FSTL4: variants seen among roughly 807,000 people sequenced by gnomAD.
FSTL4 encodes the protein follistatin like 4.
A neutral mutation model predicts 78.2 loss-of-function variants in FSTL4; 28 were observed. That is an observed-to-expected ratio of 0.36 (90% CI 0.27 to 0.49). FSTL4 has a LOEUF of 0.49. Among genes scored for constraint, FSTL4 ranks in the 20% least tolerant of loss-of-function variants. The pLI is 0.98. For missense variants in FSTL4, 922 were observed against 1,084.9 expected, an observed-to-expected ratio of 0.85 and a Z score of 2.11; for synonymous variants, 422 against 440.5, an observed-to-expected ratio of 0.96 and a Z score of 0.53.
the FSTL4 span, among the ~76,000 whole-genome samples, chr5:133,825,419 C>G: frequency 6.6e-6 from 1 of 152,224 alleles, no homozygotes; most frequent in Non-Finnish European, 1.5e-5. Context: ...AATAGCTCCT[C>G]ATTGCAATTC....
At chr5:133,492,371 C>A (rs1758282527) in intron 3 of FSTL4, among the ~76,000 whole-genome samples, 1 of 152,096 alleles carries the variant, frequency 6.6e-6, no homozygotes, top group South Asian at 2.1e-4. Context: ...GGGTCAATTG[C>A]CTTCCTCCTA....
intron 2 of FSTL4, among the ~76,000 whole-genome samples, chr5:133,567,968 G>A (rs1760064851): frequency 6.6e-6 from 1 of 152,174 alleles, no homozygotes; most frequent in African/African-American, 2.4e-5. Context: ...GTAAATACCA[G>A]CATTTCACAT....
chr5:133,326,628 C>T lies in FSTL4; in HGVS notation c.410-9976G>A, dbSNP rs536740992. On this transcript the variant is annotated intron_variant, in intron 4 of 15. Coordinates refer to ENST00000265342, the MANE Select transcript of FSTL4 (RefSeq NM_015082.2). ...GCAGAGCTTGCTCCCAGGTGCCCCA[C>T]TCCTGGCAGACCCTCTCTTCAAATC... 8.8e-4 allele frequency among the ~76,000 whole-genome samples: 134 copies of T among 152,372 alleles called. 1 individual carries two copies. The highest frequency in any genetic ancestry group is 2.9e-3 in the African/African-American group (121 of 41,582).
intron 13 of FSTL4, among the ~76,000 whole-genome samples, chr5:133,212,427 C>T (rs1750762575): frequency 6.6e-6 from 1 of 152,188 alleles, no homozygotes; most frequent in Admixed American, 6.5e-5. Context: ...CAAACAAGCC[C>T]CAGGATTAGG....
the FSTL4 span, among the ~76,000 whole-genome samples, chr5:133,685,586 C>T: frequency 1.3e-5 from 2 of 152,212 alleles, no homozygotes; most frequent in Non-Finnish European, 1.5e-5. Context: ...CCAGAACACT[C>T]CTGCTGCTTT....
At chr5:133,280,524 A>T (rs112423337) in intron 6 of FSTL4, among the ~76,000 whole-genome samples, 45 of 152,140 alleles carry the variant, frequency 3.0e-4, no homozygotes, top group African/African-American at 9.9e-4. Context: ...TGCTCTGAAA[A>T]CTGCTCTCAA....
chr5:133,252,588 C>T (rs565576571), intron 6 of FSTL4, among the ~76,000 whole-genome samples: 32 of 151,080 alleles, frequency 2.1e-4, no homozygotes, highest in Admixed American at 4.0e-4. Context: ...GCTCTGGGTA[C>T]ATAGAGAGGG....
the FSTL4 span, among the ~76,000 whole-genome samples, chr5:133,776,919 G>T: frequency 4.4e-3 from 676 of 152,192 alleles, 4 homozygotes; most frequent in African/African-American, 0.016. Context: ...CCCACCTCTG[G>T]CTTGAATGTA....
In FSTL4 at chr5:133,198,929, A is replaced by G. The variant is rs376932662; in HGVS notation, c.*166T>C. Reference sequence around the variant, plus strand: ...CTAACGAAAAAACCCCAATCTTGGTAGCAGCGCATACCTTATACTAGGAAA... The same window carrying G: ...CTAACGAAAAAACCCCAATCTTGGTGGCAGCGCATACCTTATACTAGGAAA... On this transcript the variant is annotated 3_prime_UTR_variant, in exon 16 of 16. Coordinates refer to ENST00000265342, the MANE Select transcript of FSTL4 (RefSeq NM_015082.2). The G allele has an allele frequency of 7.8e-5, 38 of 486,916 alleles. No homozygotes were observed. The highest frequency in any genetic ancestry group is 5.2e-4 in the Middle Eastern group (1 of 1,912). 30.2% of individuals were successfully genotyped at this position (486,916 alleles called of 1,614,324 possible).
chr5:133,552,330 T>A (rs1186700650), intron 3 of FSTL4, among the ~76,000 whole-genome samples: 1 of 152,234 alleles, frequency 6.6e-6, no homozygotes, highest in Non-Finnish European at 1.5e-5. Flanking sequence ...CAGAACTGTA[T>A]CTAACACACT....
chr5:133,644,936 A>G, the FSTL4 span, among the ~76,000 whole-genome samples: 1 of 152,068 alleles, frequency 6.6e-6, no homozygotes. Context: ...CTCAGTGACT[A>G]TAGCTCCCGA....
chr5:133,590,647 G>A (rs986321916), intron 2 of FSTL4, among the ~76,000 whole-genome samples: 1 of 152,172 alleles, frequency 6.6e-6, no homozygotes, highest in African/African-American at 2.4e-5. Context: ...ATGTATCTCT[G>A]GAGTCACAGG....
At chr5:133,209,110 C>G (rs55826644) in intron 14 of FSTL4, among the ~76,000 whole-genome samples, 2,555 of 152,244 alleles carry the variant, frequency 0.017, 38 homozygotes, top group Non-Finnish European at 0.024. Flanking sequence ...GGCTGGTACT[C>G]TGTTCTGAGT....
the FSTL4 span, among the ~76,000 whole-genome samples, chr5:133,804,400 A>G: frequency 2.0e-5 from 3 of 152,186 alleles, no homozygotes; most frequent in South Asian, 6.2e-4. Flanking sequence ...ACAGTCACTG[A>G]AAACCCGGCA....
At chr5:133,242,248 C>T (rs1384109236) in intron 7 of FSTL4, among the ~76,000 whole-genome samples, 1 of 152,184 alleles carries the variant, frequency 6.6e-6, no homozygotes, top group Admixed American at 6.5e-5. Context: ...TCATGGGCTG[C>T]AGGACCTCCT....
chr5:133,274,730 A>C (rs1350535655), intron 6 of FSTL4, among the ~76,000 whole-genome samples: 3 of 152,188 alleles, frequency 2.0e-5, no homozygotes, highest in Non-Finnish European at 4.4e-5. Flanking sequence ...AGTCAAATAC[A>C]ATTACACACA....
chr5:133,557,706 A>C (rs1200831662), intron 3 of FSTL4, among the ~76,000 whole-genome samples: 1 of 152,204 alleles, frequency 6.6e-6, no homozygotes, highest in African/African-American at 2.4e-5. Context: ...ACCCCCAGAG[A>C]GGGGCAAAAT....
intron 6 of FSTL4, among the ~76,000 whole-genome samples, chr5:133,280,821 C>T (rs985322170): frequency 9.9e-5 from 15 of 152,194 alleles, no homozygotes; most frequent in Non-Finnish European, 1.5e-4. Flanking sequence ...TTACAGCAAG[C>T]GCCTCCCTGT....
intron 3 of FSTL4, among the ~76,000 whole-genome samples, chr5:133,436,056 T>C (rs568793667): frequency 1.5e-4 from 23 of 152,290 alleles, no homozygotes; most frequent in South Asian, 1.2e-3. Flanking sequence ...ACAGTGGTAA[T>C]CACAAAAAAA....
Sources: allele counts gnomAD v4.1 joint callset (sites outside exome capture counted in the v4.1 genomes callset), GRCh38; gene constraint gnomAD v4.1.1; transcripts MANE v1.5; gene names NCBI Gene and HGNC (gene_info 2026-07-23, HGNC 2026-07-21).